SMAP1: variants seen among roughly 807,000 people sequenced by gnomAD.
SMAP1 encodes stromal membrane-associated protein 1.
A neutral mutation model predicts 58.5 loss-of-function variants in SMAP1; 24 were observed. That is an observed-to-expected ratio of 0.41 (90% CI 0.30 to 0.58). The LOEUF (loss-of-function observed/expected upper bound fraction) is 0.58. Ranked by LOEUF, SMAP1 falls within the 20% of genes least tolerant of loss-of-function variation. SMAP1 has a pLI of 0.29. For synonymous variants in SMAP1, 216 were observed against 196.6 expected, an observed-to-expected ratio of 1.10 and a Z score of -0.82; for missense variants, 563 against 566.3, an observed-to-expected ratio of 0.99 and a Z score of 0.06.
At chr6:70,758,659 T>A (rs1267200883) in intron 3 of SMAP1, among the ~76,000 whole-genome samples, 1 of 152,042 alleles carries the variant, frequency 6.6e-6, no homozygotes, top group Non-Finnish European at 1.5e-5. Flanking sequence ...CCATGTGAAA[T>A]ACTTATACAG....
At chr6:70,800,804 A>G (rs1488080049) in intron 6 of SMAP1, among the ~76,000 whole-genome samples, 1 of 152,008 alleles carries the variant, frequency 6.6e-6, no homozygotes. Context: ...GCTGAGAATG[A>G]TGGTTTCCAG....
At chr6:70,697,526 T>G (rs923085830) in intron 1 of SMAP1, among the ~76,000 whole-genome samples, 1 of 152,194 alleles carries the variant, frequency 6.6e-6, no homozygotes, top group African/African-American at 2.4e-5. Flanking sequence ...CAGGCTGGTC[T>G]TGAACTTCTG....
chr6:70,671,466 A>G (rs954696399), intron 1 of SMAP1, among the ~76,000 whole-genome samples: 15 of 152,162 alleles, frequency 9.9e-5, no homozygotes, highest in African/African-American at 3.4e-4. Context: ...CCTACGTGGG[A>G]GGCGGAGGCA....
Position 70,861,572 on chromosome 6 carries a change from C to G in SMAP1, c.*1238C>G, listed in dbSNP as rs1441614456. 9.2e-6 allele frequency: 11 copies of G among 1,196,944 alleles called. No individual in the cohort carries two copies. Among genetic ancestry groups the G allele is most frequent in the Non-Finnish European group, 1.1e-5 (9 of 829,490 alleles). The allele number at this position is 1,196,944 out of a possible 1,614,324, so 74.1% of individuals were successfully genotyped here. A position where few individuals can be genotyped will look rare whatever the true frequency, so the allele number is the denominator to read the frequency against. On this transcript the variant is annotated 3_prime_UTR_variant, in exon 11 of 11. Coordinates refer to ENST00000370455, the MANE Select transcript of SMAP1 (RefSeq NM_001044305.3). ...GGCTGCTGTACTGAAGTAAAACAAACAATACCTGAATGCTCTGTAGCCTAA... is the reference window on the plus strand; with the variant it reads ...GGCTGCTGTACTGAAGTAAAACAAAGAATACCTGAATGCTCTGTAGCCTAA...
chr6:70,840,827 T>G (rs1376346316), intron 7 of SMAP1, among the ~76,000 whole-genome samples: 1 of 152,210 alleles, frequency 6.6e-6, no homozygotes, highest in African/African-American at 2.4e-5. Context: ...AGTGCCAGAT[T>G]GAATAATCTC....
At chr6:70,706,185 T>C (rs1767829938) in intron 1 of SMAP1, among the ~76,000 whole-genome samples, 1 of 152,216 alleles carries the variant, frequency 6.6e-6, no homozygotes, top group Non-Finnish European at 1.5e-5. Flanking sequence ...ACAACGAAGT[T>C]GGTGGATCCT....
chr6:70,831,117 C>T (rs1469453780), intron 6 of SMAP1, among the ~76,000 whole-genome samples: 3 of 152,146 alleles, frequency 2.0e-5, no homozygotes, highest in Non-Finnish European at 4.4e-5. Context: ...CTGTCTCTTC[C>T]TAGTCCAATA....
chr6:70,859,355 C>A (rs1367589766), intron 10 of SMAP1: 1 of 1,549,052 alleles, frequency 6.5e-7, no homozygotes, highest in South Asian at 1.2e-5. Context: ...ATGCTGTTCT[C>A]CAGCACTCCA....
chr6:70,745,617 A>G (rs1380838930), intron 2 of SMAP1, among the ~76,000 whole-genome samples: 1 of 152,202 alleles, frequency 6.6e-6, no homozygotes. Flanking sequence ...TGATGCCTCC[A>G]GCTTTGTTCT....
In SMAP1 at chr6:70,780,188, A is replaced by C. The variant is rs372596985; in HGVS notation, c.414+6763A>C. On this transcript the variant is annotated intron_variant, in intron 4 of 10. Transcript: ENST00000370455. The stretch of plus-strand genomic sequence containing the variant: ...GGGTGGAAATTTTAGTGGCTGTCAG[A>C]ATTCTGCCTACTATGGTCATATAGA... Among the ~76,000 whole-genome samples, 216 of 152,306 alleles carry C rather than the reference A, an allele frequency of 1.4e-3. 1 individual carries two copies. The highest frequency in any genetic ancestry group is 4.0e-3 in the African/African-American group (165 of 41,572).
chr6:70,843,987 G>A (rs969579055), intron 7 of SMAP1, among the ~76,000 whole-genome samples: 5 of 152,122 alleles, frequency 3.3e-5, no homozygotes, highest in Non-Finnish European at 7.4e-5. Flanking sequence ...CTCCTGCTGG[G>A]TTATTCCTTT....
At chr6:70,670,860 T>C (rs1379748670) in intron 1 of SMAP1, among the ~76,000 whole-genome samples, 1 of 152,258 alleles carries the variant, frequency 6.6e-6, no homozygotes, top group Non-Finnish European at 1.5e-5. Flanking sequence ...ATTTTCTTAC[T>C]GAATCACCAG....
At chr6:70,746,234 C>T (rs1293333085) in intron 2 of SMAP1, among the ~76,000 whole-genome samples, 1 of 152,186 alleles carries the variant, frequency 6.6e-6, no homozygotes, top group Non-Finnish European at 1.5e-5. Flanking sequence ...TGAGAGAGGG[C>T]ATCCTTGTCT....
intron 3 of SMAP1, among the ~76,000 whole-genome samples, chr6:70,765,818 A>G (rs533670147): frequency 5.7e-4 from 87 of 152,180 alleles, no homozygotes; most frequent in African/African-American, 1.9e-3. Context: ...ATATGTATAC[A>G]TGTGCCATGT....
chr6:70,758,930 A>G (rs1766632603), intron 3 of SMAP1, among the ~76,000 whole-genome samples: 1 of 152,100 alleles, frequency 6.6e-6, no homozygotes. Flanking sequence ...GGGCAGATTG[A>G]TACTTCTGTT....
intron 4 of SMAP1, among the ~76,000 whole-genome samples, chr6:70,784,565 A>C (rs1288321079): frequency 6.6e-6 from 1 of 152,208 alleles, no homozygotes; most frequent in Non-Finnish European, 1.5e-5. Flanking sequence ...CCCATCTCAC[A>C]TGCAGAGACA....
intron 4 of SMAP1, among the ~76,000 whole-genome samples, chr6:70,782,615 G>C (rs1179277923): frequency 1.3e-5 from 2 of 152,124 alleles, no homozygotes; most frequent in South Asian, 2.1e-4. Context: ...ACTTGAATTG[G>C]CTCTCCTTGC....
At chr6:70,763,927 GT>G (rs1244757751) in intron 3 of SMAP1, among the ~76,000 whole-genome samples, 1 of 152,106 alleles carries the variant, frequency 6.6e-6, no homozygotes, top group Admixed American at 6.6e-5. Flanking sequence ...TGTTTTGTCT[GT>G]TGTTTTGACA....
chr6:70,792,738 C>T (rs542229176), intron 5 of SMAP1, among the ~76,000 whole-genome samples: 7 of 152,144 alleles, frequency 4.6e-5, no homozygotes, highest in South Asian at 2.1e-4. Context: ...ATGAGTAGAA[C>T]GGCAAGGCTC....
Sources: gnomAD v4.1 joint callset for allele counts (sites outside exome capture counted in the v4.1 genomes callset) on GRCh38, gnomAD v4.1.1 for gene constraint, MANE v1.5 for transcripts, NCBI Gene and HGNC (gene_info 2026-07-23, HGNC 2026-07-21) for gene names.